Variants in MTF2 observed in about 807,000 individuals in gnomAD.
MTF2 encodes metal response element binding transcription factor 2.
Under a neutral mutation model 79.5 loss-of-function variants are expected in MTF2, and 11 were observed. The ratio of observed to expected loss-of-function variants is 0.14; its 90% CI spans 0.09 to 0.23. The LOEUF is 0.23. Ranked by LOEUF, MTF2 falls within the 10% of genes least tolerant of loss-of-function variation. The pLI is 1.00. For missense variants in MTF2, 486 were observed against 711.2 expected (o/e 0.68, Z 3.60); for synonymous variants, 208 against 232.8 (o/e 0.89, Z 0.97).
chr1:93,084,854 G>A (rs1654771201), intron 1 of MTF2, among the ~76,000 whole-genome samples: 1 of 152,122 alleles, frequency 6.6e-6, no homozygotes, highest in Non-Finnish European at 1.5e-5. Context: ...TCCAGCCTGG[G>A]TGACAGAGCA....
chr1:93,085,978 T>C lies in MTF2; in HGVS notation c.5+6447T>C, dbSNP rs151324937. On this transcript the variant is annotated intron_variant, in intron 1 of 14. Transcript: ENST00000370298. ...TTATGTATTGTACATAATGAGTATA[T>C]GTGCAAGACTTTATGCTACTGGCAG... Among the ~76,000 whole-genome samples the C allele has an allele frequency of 1.2e-4, 18 of 152,306 alleles. No homozygotes were observed. The East Asian group carries it at 3.5e-3, about 29-fold the overall frequency.
intron 10 of MTF2, 59 bp downstream of exon 10, chr1:93,127,358 A>G (rs2101086610): frequency 9.1e-7 from 1 of 1,100,664 alleles, no homozygotes; most frequent in South Asian, 1.3e-5. Flanking sequence ...TATAAGGAAT[A>G]ATGGCATTGT....
chr1:93,136,913 T>G lies in MTF2; in HGVS notation c.1668T>G (p.Phe556Leu). ...TAAAGAACTCCATTACCAGTTATTT[T>G]GGTGCTGCAGGTAGAATAGCATGTG... is the stretch of plus-strand genomic sequence containing the variant. ...NHLKNSITSY[F>L]GAAGRIACGE... Residue 556 changes from phenylalanine (F) to leucine (L), a missense_variant, in exon 15 of 15, where the codon TTT becomes TTG. Physicochemically the swap from Phe to Leu is conservative, Grantham distance 22. Transcript: ENST00000370298. 5 of 1,614,172 alleles carry G rather than the reference T, an allele frequency of 3.1e-6. No homozygotes were observed. Among genetic ancestry groups the G allele is most frequent in the Non-Finnish European group, 4.2e-6 (5 of 1,180,010 alleles).
intron 1 of MTF2, among the ~76,000 whole-genome samples, chr1:93,097,015 G>T (rs1483346541): frequency 6.6e-6 from 1 of 151,796 alleles, no homozygotes; most frequent in East Asian, 1.9e-4. Context: ...TTACCATGTT[G>T]CCTAGGCTGG....
At chr1:93,114,600 A>G (rs1305453819) in intron 3 of MTF2, 88 bp from the exon 4 acceptor site, 5 of 861,224 alleles carry the variant, frequency 5.8e-6, no homozygotes, top group Middle Eastern at 2.5e-4. Context: ...AACATTGCGC[A>G]TATGTGCTGC....
intron 1 of MTF2, among the ~76,000 whole-genome samples, chr1:93,084,549 G>A (rs577623755): frequency 6.6e-6 from 1 of 152,198 alleles, no homozygotes; most frequent in South Asian, 2.1e-4. Flanking sequence ...ATTTTGGTAG[G>A]TATTGTATTG....
intron 1 of MTF2, among the ~76,000 whole-genome samples, chr1:93,106,334 G>T (rs1655785809): frequency 6.6e-6 from 1 of 152,128 alleles, no homozygotes; most frequent in Admixed American, 6.6e-5. Flanking sequence ...ATGAAACTGG[G>T]AATGTTTGCA....
At chr1:93,099,213 G>A (rs1460393249) in intron 1 of MTF2, among the ~76,000 whole-genome samples, 1 of 152,172 alleles carries the variant, frequency 6.6e-6, no homozygotes, top group East Asian at 1.9e-4. Context: ...GAGATCCCAT[G>A]TGGATTTATA....
chr1:93,115,340 A>G (rs1656207470), intron 5 of MTF2, 130 bp from the exon 6 acceptor site: 1 of 773,380 alleles, frequency 1.3e-6, no homozygotes, highest in Non-Finnish European at 2.0e-6. Context: ...ATTATTAATC[A>G]GACAGTTTGT....
chr1:93,121,344 T>C lies in MTF2; in HGVS notation c.921+672T>C, dbSNP rs555071559. The C allele has an allele frequency of 3.0e-4, 249 of 825,646 alleles. 1 individual carries two copies. The African/African-American group carries it at 4.3e-3, about 14-fold the overall frequency. The allele number at this position is 825,646 out of a possible 1,614,324, so 51.1% of individuals were successfully genotyped here. On this transcript the variant is annotated intron_variant, in intron 9 of 14. Transcript: ENST00000370298. ...GAATAAGTTTAATAGTTAGGGACCTTATTTTTAGCTTTTATTTAGAATTAC... is the reference window on the plus strand; with the variant it reads ...GAATAAGTTTAATAGTTAGGGACCTCATTTTTAGCTTTTATTTAGAATTAC...
chr1:93,083,324 G>C (rs1290942747), intron 1 of MTF2, among the ~76,000 whole-genome samples: 1 of 152,212 alleles, frequency 6.6e-6, no homozygotes, highest in Non-Finnish European at 1.5e-5. Flanking sequence ...GGAATATTTG[G>C]GCGGGCACAC....
intron 1 of MTF2, among the ~76,000 whole-genome samples, chr1:93,096,832 A>T (rs502651): frequency 7.3e-6 from 1 of 137,608 alleles, no homozygotes; most frequent in East Asian, 2.0e-4. Flanking sequence ...TTTTTTGGAG[A>T]CAGGGTCTAG....
At chr1:93,080,303 A>G (rs899692811) in intron 1 of MTF2, among the ~76,000 whole-genome samples, 2 of 152,234 alleles carry the variant, frequency 1.3e-5, no homozygotes, top group African/African-American at 4.8e-5. Context: ...CAATTTGCCA[A>G]GATTTCTTAA....
chr1:93,132,983 A>G (rs1571255896), intron 11 of MTF2, among the ~76,000 whole-genome samples: 1 of 151,878 alleles, frequency 6.6e-6, no homozygotes, highest in Non-Finnish European at 1.5e-5. Context: ...TTCTATATAT[A>G]TATTTTCTTT....
intron 1 of MTF2, among the ~76,000 whole-genome samples, chr1:93,096,211 AGT>A (rs1369383819): frequency 6.6e-6 from 1 of 152,218 alleles, no homozygotes; most frequent in Non-Finnish European, 1.5e-5. Context: ...TTGAAGATGG[AGT>A]GTGTTTTAAT....
intron 11 of MTF2, among the ~76,000 whole-genome samples, chr1:93,133,353 A>G (rs1335381118): frequency 6.6e-6 from 1 of 152,116 alleles, no homozygotes; most frequent in Non-Finnish European, 1.5e-5. Flanking sequence ...AAATTAAACT[A>G]TATAATTGAG....
At chr1:93,116,304 G>A (rs1656246182) in intron 6 of MTF2, among the ~76,000 whole-genome samples, 1 of 151,656 alleles carries the variant, frequency 6.6e-6, no homozygotes, top group South Asian at 2.1e-4. Context: ...TTACAGGCCT[G>A]AGCCATGCTG....
intron 1 of MTF2, among the ~76,000 whole-genome samples, chr1:93,092,540 C>T (rs1655115157): frequency 6.6e-6 from 1 of 152,096 alleles, no homozygotes; most frequent in South Asian, 2.1e-4. Context: ...TTAGCTAATT[C>T]TTTATATCTC....
At chr1:93,112,402 TTAG>T (rs1656066568) in intron 3 of MTF2, among the ~76,000 whole-genome samples, 2 of 152,190 alleles carry the variant, frequency 1.3e-5, no homozygotes, top group Non-Finnish European at 2.9e-5. Flanking sequence ...AAGAAAAATA[TTAG>T]TAGTCAACAG....
Sources: allele counts gnomAD v4.1 joint callset (sites outside exome capture counted in the v4.1 genomes callset), GRCh38; gene constraint gnomAD v4.1.1; transcripts MANE v1.5; gene names NCBI Gene and HGNC (gene_info 2026-07-23, HGNC 2026-07-21).